The following PIP4K2A variants were observed in gnomAD, a reference collection of about 807,000 sequenced individuals.
PIP4K2A encodes the protein phosphatidylinositol 5-phosphate 4-kinase type-2 alpha.
A neutral mutation model predicts 42.9 loss-of-function variants in PIP4K2A; 14 were observed. The observed-to-expected ratio is 0.33, with a 90% CI of 0.22 to 0.51. The LOEUF is 0.51. PIP4K2A is among the 20% of genes least tolerant of loss of function. PIP4K2A has a pLI of 0.97. For missense variants in PIP4K2A, 434 were observed against 519.8 expected, an observed-to-expected ratio of 0.83 and a Z score of 1.61; for synonymous variants, 192 against 192.2, an observed-to-expected ratio of 1.00 and a Z score of 0.01.
chr10:22,664,579 T>C (rs1177635811), intron 1 of PIP4K2A, among the ~76,000 whole-genome samples: 4 of 152,026 alleles, frequency 2.6e-5, no homozygotes, highest in Non-Finnish European at 5.9e-5. Flanking sequence ...TCTTATGTGG[T>C]TAAATCTATT....
At chr10:22,621,968 C>G (rs534272003) in intron 1 of PIP4K2A, among the ~76,000 whole-genome samples, 2 of 152,162 alleles carry the variant, frequency 1.3e-5, no homozygotes, top group African/African-American at 4.8e-5. Flanking sequence ...ACCATGCTGC[C>G]ATTTACACTG....
chr10:22,655,656 A>ATTC (rs928012137), intron 1 of PIP4K2A, among the ~76,000 whole-genome samples: 31 of 152,374 alleles, frequency 2.0e-4, no homozygotes, highest in African/African-American at 7.2e-4. Context: ...TCATTTAAAA[A>ATTC]TTCTTCCAAA....
At chr10:22,674,108 A>C (rs1839508945) in intron 1 of PIP4K2A, among the ~76,000 whole-genome samples, 2 of 152,048 alleles carry the variant, frequency 1.3e-5, no homozygotes, top group African/African-American at 4.8e-5. Flanking sequence ...CCTATTTCTA[A>C]TTTGGTGTCA....
intron 1 of PIP4K2A, among the ~76,000 whole-genome samples, chr10:22,624,941 G>C (rs902623696): frequency 6.6e-6 from 1 of 152,202 alleles, no homozygotes; most frequent in Non-Finnish European, 1.5e-5. Context: ...AATCTTGCCA[G>C]AGAGTTTCAA....
chr10:22,586,889 C>G (rs187322165), intron 4 of PIP4K2A, among the ~76,000 whole-genome samples: 17 of 152,246 alleles, frequency 1.1e-4, no homozygotes, highest in African/African-American at 3.6e-4. Context: ...ATGAATTCAC[C>G]TAATTAGCAC....
At chr10:22,567,922 A>G (rs1301298156) in intron 5 of PIP4K2A, 33 bp from the exon 6 acceptor site, 6 of 1,597,926 alleles carry the variant, frequency 3.8e-6, no homozygotes, top group Non-Finnish European at 2.6e-6. Context: ...AAACATGCGC[A>G]TGGGAGGCAT....
chr10:22,695,642 G>T (rs1839954736), intron 1 of PIP4K2A, among the ~76,000 whole-genome samples: 1 of 152,058 alleles, frequency 6.6e-6, no homozygotes, highest in Non-Finnish European at 1.5e-5. Flanking sequence ...ATCTTTGGGG[G>T]ATTGGTTCCA....
intron 7 of PIP4K2A, among the ~76,000 whole-genome samples, chr10:22,547,787 C>T (rs1836293585): frequency 6.6e-6 from 1 of 152,146 alleles, no homozygotes; most frequent in Non-Finnish European, 1.5e-5. Context: ...CCTGTCACTC[C>T]TCATACACCG....
At chr10:22,583,401 T>TG (rs1588642309) in intron 4 of PIP4K2A, among the ~76,000 whole-genome samples, 1 of 152,034 alleles carries the variant, frequency 6.6e-6, no homozygotes, top group African/African-American at 2.4e-5. Context: ...TGCCTGGGGC[T>TG]GGGGGGGAGC....
chr10:22,540,031 G>T lies in PIP4K2A; in HGVS notation c.1080C>A (p.Ile360=). The change falls in exon 9 of 10, where the codon ATC becomes ATA. Residue 360 remains isoleucine (I), a synonymous_variant. Coordinates refer to ENST00000376573, the MANE Select transcript of PIP4K2A (RefSeq NM_005028.5). ...TCTTTTTTGCATCATAATGAGTAAG[G>T]ATGTCAATAATTGCCATGAAGTACA... The part of the protein sequence containing the change: ...KEVYFMAIID[I]LTHYDAKKKA... 6.2e-7 allele frequency: 1 copy of T among 1,612,600 alleles called. No homozygotes were observed. The highest frequency in any genetic ancestry group is 2.2e-5 in the East Asian group (1 of 44,860).
At chr10:22,549,612 C>T (rs1360628839) in intron 7 of PIP4K2A, among the ~76,000 whole-genome samples, 1 of 151,652 alleles carries the variant, frequency 6.6e-6, no homozygotes, top group African/African-American at 2.4e-5. Context: ...GAGGCAGAGG[C>T]GGGTGGATCA....
intron 1 of PIP4K2A, among the ~76,000 whole-genome samples, chr10:22,676,317 C>T (rs1270483873): frequency 6.6e-6 from 1 of 152,168 alleles, no homozygotes; most frequent in African/African-American, 2.4e-5. Context: ...CCAGTACCTA[C>T]AGAAGTTGTT....
chr10:22,537,765 C>A (rs549510474), intron 9 of PIP4K2A, among the ~76,000 whole-genome samples: 1 of 152,224 alleles, frequency 6.6e-6, no homozygotes, highest in Non-Finnish European at 1.5e-5. Flanking sequence ...GACAGAGGCC[C>A]CCAGCTCAGT....
chr10:22,624,771 G>A (rs1838401284), intron 1 of PIP4K2A, among the ~76,000 whole-genome samples: 1 of 152,166 alleles, frequency 6.6e-6, no homozygotes, highest in East Asian at 1.9e-4. Flanking sequence ...CTTTTCAAGA[G>A]AAACCAAAGC....
At chr10:22,607,050 T>C (rs1837921246) in intron 3 of PIP4K2A, among the ~76,000 whole-genome samples, 2 of 152,242 alleles carry the variant, frequency 1.3e-5, no homozygotes. Context: ...ATTTTCCACT[T>C]GTGGCATCAC....
intron 4 of PIP4K2A, among the ~76,000 whole-genome samples, chr10:22,575,561 G>GA (rs1466073392): frequency 6.6e-6 from 1 of 151,934 alleles, no homozygotes; most frequent in Non-Finnish European, 1.5e-5. Flanking sequence ...CCCCCCTTAG[G>GA]AAAAAACACC....
rs755138321 is a variant in PIP4K2A at position 22,714,239 on chromosome 10, G to A, written c.88C>T (p.Leu30=). The A allele has an allele frequency of 2.5e-5, 40 of 1,612,294 alleles. No homozygotes were observed. Among genetic ancestry groups the A allele is most frequent in the Non-Finnish European group, 3.4e-5 (40 of 1,179,108 alleles). ...KKHFVAQKVK[L]FRASDPLLSV... is the part of the protein sequence containing the mutation. ...AGCAGCGGGTCGCTGGCCCGAAACA[G>A]CTTCACTTTCTGCGCTACGAAGTGC... The change falls in exon 1 of 10, where the codon CTG becomes TTG. Residue 30 remains leucine, a synonymous_variant. Coordinates refer to ENST00000376573, the MANE Select transcript of PIP4K2A (RefSeq NM_005028.5).
At chr10:22,598,699 T>C (rs1837685366) in intron 3 of PIP4K2A, among the ~76,000 whole-genome samples, 1 of 152,160 alleles carries the variant, frequency 6.6e-6, no homozygotes, top group Non-Finnish European at 1.5e-5. Flanking sequence ...AACTCACCCT[T>C]CCCACCTCCC....
intron 1 of PIP4K2A, among the ~76,000 whole-genome samples, chr10:22,650,816 T>G (rs1269834132): frequency 6.8e-6 from 1 of 147,302 alleles, no homozygotes; most frequent in Admixed American, 6.7e-5. Flanking sequence ...GAGAGTTTCT[T>G]CTTTTTGGAA....
Sources: allele counts gnomAD v4.1 joint callset (sites outside exome capture counted in the v4.1 genomes callset), GRCh38; gene constraint gnomAD v4.1.1; transcripts MANE v1.5; gene names NCBI Gene and HGNC (gene_info 2026-07-23, HGNC 2026-07-21).